Variants in MICAL2 observed in about 807,000 individuals in gnomAD.
MICAL2 encodes [F-actin]-monooxygenase MICAL2.
A neutral mutation model predicts 127.3 loss-of-function variants in MICAL2; 77 were observed. The ratio of observed to expected loss-of-function variants is 0.60; its 90% confidence interval spans 0.50 to 0.73. The LOEUF (loss-of-function observed/expected upper bound fraction) is 0.73. Ranked by LOEUF, MICAL2 falls within the 30% of genes least tolerant of loss-of-function variation. The pLI, the probability that MICAL2 is intolerant of heterozygous loss-of-function variation, is 0.00. For synonymous variants in MICAL2, 570 were observed against 551.1 expected (o/e 1.03, Z -0.48); for missense variants, 1,351 against 1,434.4 (o/e 0.94, Z 0.94).
At chr11:12,220,145 T>C in intron 8 of MICAL2, 56 bp from the exon 9 acceptor site, 2 of 1,602,378 alleles carry the variant, frequency 1.2e-6, no homozygotes, top group Non-Finnish European at 1.7e-6. Context: ...GAGGTGGGTA[T>C]GAAGGCTAGC....
chr11:12,188,953 T>C (rs908346900), intron 3 of MICAL2, among the ~76,000 whole-genome samples: 2 of 152,184 alleles, frequency 1.3e-5, no homozygotes, highest in African/African-American at 2.4e-5. Context: ...ATGAGTACCT[T>C]ACACTCAACA....
chr11:12,235,635 T>C (rs895666942), intron 15 of MICAL2, among the ~76,000 whole-genome samples: 1 of 152,212 alleles, frequency 6.6e-6, no homozygotes, highest in African/African-American at 2.4e-5. Context: ...AGACTTGATT[T>C]GCCATCAAAT....
chr11:12,361,933 T>A (rs747729669), downstream of MICAL2, among the ~76,000 whole-genome samples: 14 of 152,212 alleles, frequency 9.2e-5, no homozygotes, highest in Non-Finnish European at 1.6e-4. Context: ...TGTAGGAGTT[T>A]ATTGTAATAA....
intron 1 of MICAL2, among the ~76,000 whole-genome samples, chr11:12,116,393 A>G (rs1211234267): frequency 7.8e-6 from 1 of 128,338 alleles, no homozygotes. Context: ...AGGAAGGTTG[A>G]GCCCTCAGGG....
downstream of MICAL2, chr11:12,293,770 G>A: frequency 1.2e-6 from 2 of 1,613,548 alleles, no homozygotes; most frequent in South Asian, 1.1e-5. Context: ...CTTCTGATGA[G>A]TGCCAGCCAG....
At chr11:12,129,634 TTC>T (rs1248165444) in intron 1 of MICAL2, among the ~76,000 whole-genome samples, 6 of 75,990 alleles carry the variant, frequency 7.9e-5, no homozygotes, top group Non-Finnish European at 1.5e-4. Context: ...CTTCTTCTTC[TTC>T]TTTTTTTTTT....
At chr11:12,201,907 T>C (rs1364182932) in intron 3 of MICAL2, among the ~76,000 whole-genome samples, 2 of 152,200 alleles carry the variant, frequency 1.3e-5, no homozygotes, top group South Asian at 2.1e-4. Context: ...TCACCTGAGG[T>C]TGGGAGTTCA....
At chr11:12,177,946 G>T (rs780221069) in intron 3 of MICAL2, among the ~76,000 whole-genome samples, 1 of 152,168 alleles carries the variant, frequency 6.6e-6, no homozygotes, top group Non-Finnish European at 1.5e-5. Flanking sequence ...TATATATTTG[G>T]TCTTCTCCCC....
chr11:12,257,639 C>T (rs534458843), intron 24 of MICAL2, among the ~76,000 whole-genome samples: 8 of 152,290 alleles, frequency 5.3e-5, no homozygotes, highest in African/African-American at 9.6e-5. Flanking sequence ...TTAAACTCTT[C>T]GTCCCCCAGT....
chr11:12,305,018 G>A (rs2172633), intron 29 of MICAL2, among the ~76,000 whole-genome samples: 62,589 of 151,920 alleles, frequency 0.41, 13,916 homozygotes, highest in African/African-American at 0.57. Flanking sequence ...GAGAATTAAC[G>A]TCTTTGCAAT....
chr11:12,173,739 T>C (rs1339947735), intron 3 of MICAL2, among the ~76,000 whole-genome samples: 1 of 152,216 alleles, frequency 6.6e-6, no homozygotes, highest in African/African-American at 2.4e-5. Flanking sequence ...TCTCATCTTT[T>C]TGTTTGTGTA....
rs577208803 is a variant in MICAL2, at chr11:12,229,531, GACATTT to G, written c.1995+2403_1995+2408del. 1.2e-4 allele frequency among the ~76,000 whole-genome samples: 18 copies of G among 152,370 alleles called. No homozygotes were observed. In the East Asian group the frequency reaches 2.9e-3, roughly 24 times the overall value. On this transcript the variant is annotated intron_variant, in intron 15 of 27. Coordinates refer to ENST00000683283, the MANE Select transcript of MICAL2 (RefSeq NM_001282663.2). The stretch of plus-strand genomic sequence containing the variant: ...GTGTTTCTGGAAGCTCTCCGAGACA[GACATTT>G]ACTGCCTTTCTCCATTCACCGCGTT...
intron 2 of MICAL2, chr11:12,161,543 A>G (rs992762813): frequency 2.0e-5 from 3 of 152,946 alleles, no homozygotes; most frequent in African/African-American, 7.2e-5. Context: ...GTAACGAATG[A>G]AGAAAGGCTT....
chr11:12,182,275 T>C (rs563357922), intron 3 of MICAL2, among the ~76,000 whole-genome samples: 51 of 152,212 alleles, frequency 3.4e-4, no homozygotes, highest in African/African-American at 1.2e-3. Context: ...TCTGATGCCA[T>C]AGAGCTGGGA....
intron 3 of MICAL2, among the ~76,000 whole-genome samples, chr11:12,165,452 G>A (rs986686659): frequency 6.6e-6 from 1 of 152,226 alleles, no homozygotes; most frequent in Non-Finnish European, 1.5e-5. Context: ...GAAATGCTGG[G>A]CATTTGCATA....
At chr11:12,211,687 T>G (rs1418055364) in intron 6 of MICAL2, among the ~76,000 whole-genome samples, 1 of 152,076 alleles carries the variant, frequency 6.6e-6, no homozygotes, top group Non-Finnish European at 1.5e-5. Context: ...GAACCCCTAT[T>G]AACCTCAATA....
intron 13 of MICAL2, 23 bp downstream of exon 13, chr11:12,224,843 C>G (rs778404810): frequency 4.8e-5 from 76 of 1,593,472 alleles, no homozygotes; most frequent in Non-Finnish European, 5.8e-5. Flanking sequence ...CCCAGGCTGG[C>G]CCCTGGAGAC....
chr11:12,209,128 T>C (rs1463603292), intron 5 of MICAL2, among the ~76,000 whole-genome samples: 1 of 152,242 alleles, frequency 6.6e-6, no homozygotes, highest in East Asian at 1.9e-4. Context: ...TTGGGTCTGT[T>C]TAGCAATGAG....
intron 32 of MICAL2, among the ~76,000 whole-genome samples, chr11:12,344,874 C>A (rs1464780856): frequency 6.6e-6 from 1 of 151,310 alleles, no homozygotes; most frequent in African/African-American, 2.4e-5. Flanking sequence ...TTTGGGAGGC[C>A]AAGGCGGGCA....
Sources: gnomAD v4.1 joint callset for allele counts (sites outside exome capture counted in the v4.1 genomes callset) on GRCh38, gnomAD v4.1.1 for gene constraint, MANE v1.5 for transcripts, NCBI Gene and HGNC (gene_info 2026-07-23, HGNC 2026-07-21) for gene names.